YTHDF3: variants seen among roughly 807,000 people sequenced by gnomAD.
The protein encoded by YTHDF3 is YTH domain-containing family protein 3.
Under a neutral mutation model 52.5 loss-of-function variants are expected in YTHDF3, and 9 were observed. That is an observed-to-expected ratio of 0.17 (90% CI 0.10 to 0.30). The LOEUF (loss-of-function observed/expected upper bound fraction) is 0.30. Ranked by LOEUF, YTHDF3 falls within the 10% of genes least tolerant of loss-of-function variation. YTHDF3 has a pLI of 1.00. For synonymous variants in YTHDF3, 274 were observed against 243.3 expected (o/e 1.13, Z -1.18); for missense variants, 534 against 715.0 (o/e 0.75, Z 2.89).
At chr8:63,173,916 C>T (rs190440485) in intron 2 of YTHDF3, among the ~76,000 whole-genome samples, 65 of 152,212 alleles carry the variant, frequency 4.3e-4, no homozygotes, top group African/African-American at 1.4e-3. Flanking sequence ...CTCTGAGGGG[C>T]AGTGTGGTGT....
chr8:63,196,626 A>G (rs931784659), intron 4 of YTHDF3, among the ~76,000 whole-genome samples: 1 of 152,142 alleles, frequency 6.6e-6, no homozygotes. Context: ...TGAGTAAAAG[A>G]CAAATTACCT....
intron 3 of YTHDF3, among the ~76,000 whole-genome samples, chr8:63,179,830 G>A (rs533597007): frequency 9.2e-5 from 14 of 151,832 alleles, no homozygotes; most frequent in African/African-American, 2.7e-4. Context: ...CGGACGGGGC[G>A]GCTGGCCGGG....
Position 63,181,623 on chromosome 8 carries a change from C to T in YTHDF3, c.136-4524C>T, listed in dbSNP as rs1808145379. 3.3e-5 allele frequency among the ~76,000 whole-genome samples: 5 copies of T among 152,176 alleles called. No individual in the cohort carries two copies. In the South Asian group the frequency reaches 1.0e-3, roughly 31 times the overall value. On this transcript the variant is annotated intron_variant, in intron 3 of 4. Coordinates refer to ENST00000539294, the MANE Select transcript of YTHDF3 (RefSeq NM_152758.6). ...TTCTGATTTTCCAGTTACTTACTCC[C>T]TCTTCTTTGTACTTAAGTGTTTTGT... is the stretch of plus-strand genomic sequence containing the variant.
At chr8:63,183,207 T>C (rs1036819751) in intron 3 of YTHDF3, among the ~76,000 whole-genome samples, 14 of 152,130 alleles carry the variant, frequency 9.2e-5, no homozygotes, top group Non-Finnish European at 1.5e-4. Context: ...GTGATATGCC[T>C]GCCTTGGCCT....
intron 3 of YTHDF3, among the ~76,000 whole-genome samples, chr8:63,176,940 A>G (rs969004148): frequency 6.6e-6 from 1 of 152,108 alleles, no homozygotes; most frequent in Admixed American, 6.5e-5. Context: ...CAGCCTCCCA[A>G]AGTGCTGGGA....
At chr8:63,183,539 T>C (rs1387365551) in intron 3 of YTHDF3, among the ~76,000 whole-genome samples, 6 of 152,210 alleles carry the variant, frequency 3.9e-5, no homozygotes, top group Admixed American at 3.9e-4. Context: ...TCTTTATAGA[T>C]GTATTTAAAT....
chr8:63,176,313 G>A (rs1300666598), intron 3 of YTHDF3, among the ~76,000 whole-genome samples: 5 of 152,138 alleles, frequency 3.3e-5, no homozygotes, highest in African/African-American at 9.7e-5. Context: ...ACGGAGTCTC[G>A]CTCTGTCGCC....
chr8:63,208,246 T>C (rs1360899458), intron 4 of YTHDF3, among the ~76,000 whole-genome samples: 1 of 152,194 alleles, frequency 6.6e-6, no homozygotes, highest in African/African-American at 2.4e-5. Context: ...GTTCCAGGAA[T>C]GTATTAAAAT....
chr8:63,207,840 T>A (rs1810133424), intron 4 of YTHDF3, among the ~76,000 whole-genome samples: 1 of 152,180 alleles, frequency 6.6e-6, no homozygotes, highest in African/African-American at 2.4e-5. Flanking sequence ...CCCTTACATC[T>A]TTTTACTTAA....
At chr8:63,201,595 C>T (rs1289449600) in intron 4 of YTHDF3, among the ~76,000 whole-genome samples, 2 of 152,122 alleles carry the variant, frequency 1.3e-5, no homozygotes, top group African/African-American at 4.8e-5. Flanking sequence ...ACTCCAATTT[C>T]TGAGTGAAAT....
At chr8:63,200,540 A>G (rs1306173705) in intron 4 of YTHDF3, among the ~76,000 whole-genome samples, 1 of 151,632 alleles carries the variant, frequency 6.6e-6, no homozygotes, top group Non-Finnish European at 1.5e-5. Context: ...GAGGGGATTT[A>G]TAAGGGTGTG....
chr8:63,183,442 G>A (rs553443513), intron 3 of YTHDF3, among the ~76,000 whole-genome samples: 7 of 151,960 alleles, frequency 4.6e-5, no homozygotes, highest in East Asian at 3.9e-4. Flanking sequence ...GTTTGTCTTC[G>A]TAGCTTCCAA....
chr8:63,191,643 A>G (rs974757630), intron 4 of YTHDF3, among the ~76,000 whole-genome samples: 2 of 152,114 alleles, frequency 1.3e-5, no homozygotes, highest in South Asian at 2.1e-4. Flanking sequence ...AATTTCCTTG[A>G]CCAGCCAGTT....
At chr8:63,201,780 G>T (rs1809659168) in intron 4 of YTHDF3, among the ~76,000 whole-genome samples, 2 of 152,176 alleles carry the variant, frequency 1.3e-5, no homozygotes, top group Non-Finnish European at 2.9e-5. Flanking sequence ...AAAGCTATTA[G>T]TGAATAATTC....
intron 4 of YTHDF3, among the ~76,000 whole-genome samples, chr8:63,193,225 A>G (rs1208163961): frequency 6.6e-6 from 1 of 152,076 alleles, no homozygotes; most frequent in African/African-American, 2.4e-5. Flanking sequence ...TAAAAATACA[A>G]AAGTTAGCCA....
At chr8:63,176,241 G>C (rs966871962) in intron 3 of YTHDF3, among the ~76,000 whole-genome samples, 2 of 152,190 alleles carry the variant, frequency 1.3e-5, no homozygotes, top group Non-Finnish European at 2.9e-5. Context: ...AGCAAAAAAT[G>C]CTCAAGAACT....
At chr8:63,180,564 G>C (rs1808056342) in intron 3 of YTHDF3, among the ~76,000 whole-genome samples, 1 of 152,148 alleles carries the variant, frequency 6.6e-6, no homozygotes, top group Non-Finnish European at 1.5e-5. Context: ...TCACTTCCCA[G>C]ACGGGGTGGC....
chr8:63,196,938 T>G (rs759035860), intron 4 of YTHDF3, among the ~76,000 whole-genome samples: 1 of 152,104 alleles, frequency 6.6e-6, no homozygotes, highest in Non-Finnish European at 1.5e-5. Context: ...AGAACAAATA[T>G]CTCTCAGCAG....
chr8:63,178,288 G>A (rs1228570693), intron 3 of YTHDF3, among the ~76,000 whole-genome samples: 1 of 152,176 alleles, frequency 6.6e-6, no homozygotes, highest in East Asian at 1.9e-4. Context: ...AGCGGAGGGT[G>A]CCTGAATCCC....
Sources: allele counts gnomAD v4.1 joint callset (sites outside exome capture counted in the v4.1 genomes callset), GRCh38; gene constraint gnomAD v4.1.1; transcripts MANE v1.5; gene names NCBI Gene and HGNC (gene_info 2026-07-23, HGNC 2026-07-21).